PASD1: variants seen among roughly 807,000 people sequenced by gnomAD.
The protein encoded by PASD1 is PAS domain containing repressor 1.
In PASD1, 13 loss-of-function variants were observed where a neutral mutation model predicts 58.8. The ratio of observed to expected loss-of-function variants is 0.22; its 90% CI spans 0.14 to 0.35. PASD1 has a LOEUF of 0.35. PASD1 is among the 10% of genes least tolerant of loss of function. The probability of loss-of-function intolerance (pLI) is 1.00; values close to 1 mark genes in which losing one functional copy is unlikely to be tolerated. For synonymous variants in PASD1, 236 were observed against 216.7 expected (o/e 1.09, Z -0.78); for missense variants, 734 against 568.3 (o/e 1.29, Z -2.96).
chrX:151,618,291 A>C (rs2013662839), intron 4 of PASD1, among the ~76,000 whole-genome samples: 1 of 112,161 alleles, frequency 8.9e-6, no homozygotes, highest in African/African-American at 3.2e-5. Flanking sequence ...ATTTCTAAAT[A>C]GTGACTGTAG....
chrX:151,662,462 T>C (rs755130172), intron 10 of PASD1, among the ~76,000 whole-genome samples: 1 of 111,342 alleles, frequency 9.0e-6, no homozygotes, highest in Admixed American at 9.6e-5. Flanking sequence ...AGGTCCTTTA[T>C]TTGGAGAGTG....
At chrX:151,603,648 C>A (rs1223585575) in intron 2 of PASD1, among the ~76,000 whole-genome samples, 1 of 110,762 alleles carries the variant, frequency 9.0e-6, no homozygotes, top group East Asian at 2.9e-4. Flanking sequence ...ATCACTGATC[C>A]TGACTCATTT....
At chrX:151,629,571 G>A (rs1237121161) in intron 8 of PASD1, among the ~76,000 whole-genome samples, 1 of 112,030 alleles carries the variant, frequency 8.9e-6, no homozygotes, top group Non-Finnish European at 1.9e-5. Flanking sequence ...CAATAGGCCT[G>A]TTAGTCTTGC....
chrX:151,629,862 T>G (rs2013845071), intron 8 of PASD1, among the ~76,000 whole-genome samples: 1 of 111,795 alleles, frequency 8.9e-6, no homozygotes, highest in Non-Finnish European at 1.9e-5. Flanking sequence ...ATTCAGATAG[T>G]GAGAGTTTAG....
At chrX:151,643,216 A>AT (rs1457653646) in intron 8 of PASD1, among the ~76,000 whole-genome samples, 1 of 112,116 alleles carries the variant, frequency 8.9e-6, no homozygotes, top group Non-Finnish European at 1.9e-5. Flanking sequence ...AAAATTTCCT[A>AT]TTAGCAGATT....
chrX:151,616,979 G>A (rs5924974), intron 4 of PASD1, among the ~76,000 whole-genome samples: 56,407 of 109,955 alleles, frequency 0.51, 11,519 homozygotes, highest in East Asian at 0.94. Context: ...GAAAAAAGAT[G>A]CTTCTTGCCT....
chrX:151,671,333 G>A (rs1002115710), intron 12 of PASD1, 137 bp downstream of exon 12: 84 of 781,367 alleles, frequency 1.1e-4, no homozygotes, highest in Non-Finnish European at 1.1e-4. Context: ...TGCCCACAGG[G>A]TGATATGGGA....
At chrX:151,583,774 C>T (rs755554459) in intron 1 of PASD1, among the ~76,000 whole-genome samples, 24 of 111,638 alleles carry the variant, frequency 2.1e-4, no homozygotes, top group African/African-American at 7.8e-4. Context: ...AAGGCTGGCT[C>T]GGAGTATGCA....
chrX:151,620,882 C>G (rs775089464), intron 4 of PASD1, 48 bp from the exon 5 acceptor site: 2 of 986,532 alleles, frequency 2.0e-6, no homozygotes, highest in Admixed American at 4.7e-5. Flanking sequence ...TACTCTCTCC[C>G]TCTTCCCCTC....
intron 1 of PASD1, among the ~76,000 whole-genome samples, chrX:151,587,129 A>G (rs748747732): frequency 9.0e-6 from 1 of 111,692 alleles, no homozygotes; most frequent in South Asian, 3.7e-4. Context: ...ATTGTCTCAG[A>G]CTAAGAGAAC....
chrX:151,660,626 T>G (rs2014297607), intron 10 of PASD1, among the ~76,000 whole-genome samples: 1 of 112,594 alleles, frequency 8.9e-6, no homozygotes, highest in Admixed American at 9.4e-5. Flanking sequence ...AACCTATTTA[T>G]CTGGACCTAC....
At chrX:151,665,192 G>A (rs1249365833) in intron 11 of PASD1, among the ~76,000 whole-genome samples, 1 of 111,862 alleles carries the variant, frequency 8.9e-6, no homozygotes, top group Non-Finnish European at 1.9e-5. Flanking sequence ...TGTTGAAATG[G>A]TCTTGCCTTG....
At chrX:151,599,520 C>T (rs1167000582) in intron 1 of PASD1, among the ~76,000 whole-genome samples, 2 of 109,409 alleles carry the variant, frequency 1.8e-5, no homozygotes, top group Admixed American at 1.9e-4. Flanking sequence ...GGGCGGCTGC[C>T]GGGTGGAGGG....
At chrX:151,608,726 A>C (rs1347035779) in intron 3 of PASD1, among the ~76,000 whole-genome samples, 1 of 111,640 alleles carries the variant, frequency 9.0e-6, no homozygotes, top group Non-Finnish European at 1.9e-5. Context: ...AGATAAGAGA[A>C]TATTCTAAAC....
intron 1 of PASD1, among the ~76,000 whole-genome samples, chrX:151,571,160 T>C (rs937955871): frequency 8.9e-6 from 1 of 112,239 alleles, no homozygotes; most frequent in African/African-American, 3.2e-5. Context: ...AAATTGAACA[T>C]TGGCAAACTT....
chrX:151,609,803 GT>G (rs200781502), intron 3 of PASD1, among the ~76,000 whole-genome samples: 955 of 41,668 alleles, frequency 0.023, 7 homozygotes, highest in South Asian at 0.058. Context: ...CTTTCAGGGT[GT>G]TTTTTTTTTT....
intron 1 of PASD1, among the ~76,000 whole-genome samples, chrX:151,592,556 T>A (rs1267109727): frequency 1.8e-5 from 2 of 112,284 alleles, no homozygotes; most frequent in Non-Finnish European, 3.8e-5. Flanking sequence ...ATTGAAGTTT[T>A]TGGAATTTAA....
chrX:151,571,206 A>C (rs995984852), intron 1 of PASD1, among the ~76,000 whole-genome samples: 2 of 112,344 alleles, frequency 1.8e-5, no homozygotes, highest in Non-Finnish European at 3.8e-5. Context: ...ACAGATTATT[A>C]AAATGGAACA....
chrX:151,609,293 AT>A (rs1057167941), intron 3 of PASD1, among the ~76,000 whole-genome samples: 1 of 111,489 alleles, frequency 9.0e-6, no homozygotes, highest in African/African-American at 3.3e-5. Flanking sequence ...TATTTGGCCT[AT>A]TTTTTTATTA....
Sources: gnomAD v4.1 joint callset for allele counts (sites outside exome capture counted in the v4.1 genomes callset) on GRCh38, gnomAD v4.1.1 for gene constraint, MANE v1.5 for transcripts, NCBI Gene and HGNC (gene_info 2026-07-23, HGNC 2026-07-21) for gene names.